The following KCNH5 variants were observed in gnomAD, a reference collection of about 807,000 sequenced individuals.
The protein encoded by KCNH5 is voltage-gated delayed rectifier potassium channel KCNH5.
KCNH5 carries 46 observed loss-of-function variants against 96.1 expected under a neutral mutation model. The observed-to-expected ratio is 0.48, with a 90% CI of 0.38 to 0.61. The LOEUF (loss-of-function observed/expected upper bound fraction) is 0.61. KCNH5 is among the 20% of genes least tolerant of loss of function. The pLI is 0.00. For missense variants in KCNH5, 907 were observed against 1,225.8 expected, an observed-to-expected ratio of 0.74 and a Z score of 3.88; for synonymous variants, 439 against 449.8, an observed-to-expected ratio of 0.98 and a Z score of 0.30.
chr14:62,912,330 G>C (rs1020767695), intron 7 of KCNH5, among the ~76,000 whole-genome samples: 5 of 151,386 alleles, frequency 3.3e-5, no homozygotes, highest in African/African-American at 1.2e-4. Flanking sequence ...TACTTATACT[G>C]TTTGCTGAGT....
At chr14:62,949,934 A>C in intron 7 of KCNH5, 199 bp downstream of exon 7, 1 of 538,784 alleles carries the variant, frequency 1.9e-6, no homozygotes. Flanking sequence ...TATGTTTTTC[A>C]CACATTATTA....
chr14:62,763,418 T>A (rs148695078), intron 10 of KCNH5, among the ~76,000 whole-genome samples: 77 of 152,140 alleles, frequency 5.1e-4, no homozygotes, highest in Middle Eastern at 3.4e-3. Context: ...TAGTGCTAGA[T>A]GCCCACATCA....
At position 62,842,245 on chromosome 14, in the gene KCNH5, T is replaced by C. The variant is rs549233753; in HGVS notation, c.1569+7408A>G. Among the ~76,000 whole-genome samples the C allele has an allele frequency of 2.6e-5, 4 of 152,340 alleles. No homozygotes were observed. The South Asian group carries it at 8.3e-4, about 32-fold the overall frequency. ...TGTTCGAAATTACTATTATAAAAAG[T>C]ATTGCTTAAAGTTTTCATCTGCTTG... On this transcript the variant is annotated intron_variant, in intron 8 of 10. Transcript: ENST00000322893.
intron 10 of KCNH5, among the ~76,000 whole-genome samples, chr14:62,740,790 G>A (rs1885256196): frequency 6.6e-6 from 1 of 152,080 alleles, no homozygotes; most frequent in South Asian, 2.1e-4. Context: ...TACTTAGTAA[G>A]AACAGAATTA....
At chr14:62,763,524 A>G (rs1048476255) in intron 10 of KCNH5, among the ~76,000 whole-genome samples, 1 of 152,146 alleles carries the variant, frequency 6.6e-6, no homozygotes, top group Non-Finnish European at 1.5e-5. Context: ...AGAAGAAAAG[A>G]AATAACCAAA....
chr14:62,719,688 G>A (rs994593774), intron 10 of KCNH5, among the ~76,000 whole-genome samples: 3 of 152,202 alleles, frequency 2.0e-5, no homozygotes, highest in African/African-American at 4.8e-5. Context: ...GCATATGAAC[G>A]GTTGAAGTAC....
At chr14:62,745,699 C>G (rs1885361874) in intron 10 of KCNH5, among the ~76,000 whole-genome samples, 1 of 152,106 alleles carries the variant, frequency 6.6e-6, no homozygotes, top group Non-Finnish European at 1.5e-5. Flanking sequence ...CCTTTTGAAG[C>G]CATCCTGCCT....
intron 10 of KCNH5, among the ~76,000 whole-genome samples, chr14:62,721,633 T>A (rs1029968981): frequency 6.6e-6 from 1 of 152,106 alleles, no homozygotes; most frequent in African/African-American, 2.4e-5. Flanking sequence ...TTTTTTTTAA[T>A]ACAATGGATT....
chr14:62,926,694 C>T (rs896048369), intron 7 of KCNH5, among the ~76,000 whole-genome samples: 3 of 152,076 alleles, frequency 2.0e-5, no homozygotes, highest in Admixed American at 6.5e-5. Flanking sequence ...GTTGTCTCTC[C>T]CTCTTCTTAT....
At chr14:62,918,900 GA>G in intron 7 of KCNH5, among the ~76,000 whole-genome samples, 1 of 152,082 alleles carries the variant, frequency 6.6e-6, no homozygotes, top group African/African-American at 2.4e-5. Context: ...AAATACTTAT[GA>G]AAATCATTTT....
At chr14:62,989,604 C>T (rs1890773252) in intron 4 of KCNH5, among the ~76,000 whole-genome samples, 1 of 151,976 alleles carries the variant, frequency 6.6e-6, no homozygotes, top group Non-Finnish European at 1.5e-5. Context: ...GAGAGGTGCC[C>T]TCCTCTGTAC....
In KCNH5 at chr14:62,757,637, G is replaced by C. The variant is rs1885652259; in HGVS notation, c.2019+22091C>G. On this transcript the variant is annotated intron_variant, in intron 10 of 10. Transcript: ENST00000322893. Reference sequence around the variant, plus strand: ...AAAAAAAAAAAAACCAAAAGAATGAGATCCAGACATTTGCAACAACATGGA... The same window carrying C: ...AAAAAAAAAAAAACCAAAAGAATGACATCCAGACATTTGCAACAACATGGA... 1.3e-5 allele frequency among the ~76,000 whole-genome samples: 2 copies of C among 151,092 alleles called. 1 individual carries two copies. The highest frequency in any genetic ancestry group is 4.2e-4 in the South Asian group (2 of 4,814).
chr14:62,849,824 A>G lies in KCNH5; in HGVS notation c.1398T>C (p.Asn466=). Residue 466 remains asparagine (N), a synonymous_variant, in exon 8 of 11, where the codon AAT becomes AAC. Coordinates refer to ENST00000322893, the MANE Select transcript of KCNH5 (RefSeq NM_139318.5). ...GSLLYATIFG[N]VTTIFQQMYA... is the part of the protein sequence containing the mutation. ...ACATTTGCTGGAAAATTGTTGTAAC[A>G]TTTCCAAAAATAGTTGCATAAAGAA... 6.2e-7 allele frequency: 1 copy of G among 1,613,572 alleles called. No homozygotes were observed. Among genetic ancestry groups the G allele is most frequent in the Non-Finnish European group, 8.5e-7 (1 of 1,179,540 alleles).
At chr14:63,015,034 CA>C (rs1303077707) in intron 2 of KCNH5, among the ~76,000 whole-genome samples, 1 of 152,040 alleles carries the variant, frequency 6.6e-6, no homozygotes, top group Admixed American at 6.6e-5. Context: ...CCCTCTCAAC[CA>C]GAAGCCACAG....
intron 7 of KCNH5, among the ~76,000 whole-genome samples, chr14:62,934,203 T>C (rs1216370626): frequency 2.0e-5 from 3 of 151,502 alleles, no homozygotes; most frequent in East Asian, 1.9e-4. Context: ...ATGATCTCAC[T>C]GCAACCTCCG....
At chr14:62,894,899 C>T (rs1279708546) in intron 7 of KCNH5, among the ~76,000 whole-genome samples, 1 of 152,186 alleles carries the variant, frequency 6.6e-6, no homozygotes, top group East Asian at 1.9e-4. Context: ...TAAATGAATA[C>T]ATTCCCCTCT....
intron 7 of KCNH5, among the ~76,000 whole-genome samples, chr14:62,881,424 A>G (rs571692255): frequency 3.3e-5 from 5 of 152,142 alleles, no homozygotes; most frequent in Admixed American, 6.5e-5. Flanking sequence ...TACATAACTG[A>G]TAAGTGGGAA....
chr14:62,944,106 TAGAC>T lies in KCNH5; in HGVS notation c.1369+6023_1369+6026del, dbSNP rs374801315. ...AGGAAAACTTTTGAGACTGTAGTCT[TAGAC>T]AGAGCCCACATCCAACTTAGCATTA... On this transcript the variant is annotated intron_variant, in intron 7 of 10. Transcript: ENST00000322893. Among the ~76,000 whole-genome samples, 236 of 152,166 alleles carry T rather than the reference TAGAC, an allele frequency of 1.6e-3. 2 individuals are homozygous for T. Among genetic ancestry groups the T allele is most frequent in the African/African-American group, 5.4e-3 (226 of 41,516 alleles).
intron 6 of KCNH5, among the ~76,000 whole-genome samples, chr14:62,956,384 C>A (rs999736771): frequency 3.9e-5 from 6 of 152,052 alleles, no homozygotes; most frequent in African/African-American, 1.4e-4. Flanking sequence ...CATGAGGAGA[C>A]CTTCGGGTTC....
Sources: allele counts gnomAD v4.1 joint callset (sites outside exome capture counted in the v4.1 genomes callset), GRCh38; gene constraint gnomAD v4.1.1; transcripts MANE v1.5; gene names NCBI Gene and HGNC (gene_info 2026-07-23, HGNC 2026-07-21).